The following MAGI3 variants were observed in gnomAD, a reference collection of about 807,000 sequenced individuals.
The protein encoded by MAGI3 is membrane associated guanylate kinase, WW and PDZ domain containing 3.
In MAGI3, 43 loss-of-function variants were observed where a neutral mutation model predicts 121.8. The ratio of observed to expected loss-of-function variants is 0.35; its 90% confidence interval spans 0.28 to 0.46. The LOEUF is 0.46. Among genes scored for constraint, MAGI3 ranks in the 20% least tolerant of loss-of-function variants. The probability of loss-of-function intolerance (pLI) is 1.00; values close to 1 mark genes in which losing one functional copy is unlikely to be tolerated. For missense variants in MAGI3, 1,547 were observed against 1,797.3 expected (o/e 0.86, Z 2.52); for synonymous variants, 553 against 639.3 (o/e 0.86, Z 2.04).
In MAGI3 at chr1:113,658,598, A is replaced by G. The variant is rs1571011541; in HGVS notation, c.2630-482A>G. 6.6e-6 allele frequency among the ~76,000 whole-genome samples: 1 copy of G among 152,222 alleles called. No homozygotes were observed. Among genetic ancestry groups the G allele is most frequent in the African/African-American group, 2.4e-5 (1 of 41,460 alleles). On this transcript the variant is annotated intron_variant, in intron 15 of 20. Coordinates refer to ENST00000307546, the MANE Select transcript of MAGI3 (RefSeq NM_001142782.2). The surrounding 1 kb of genome is among the most constrained non-coding windows in gnomAD (Gnocchi z 4.0). Reference sequence around the variant, plus strand: ...CAATAACTACCGAGTGCTAAACCTGAGTTTGACCTGCATTTATTTACAAGG... The same window carrying G: ...CAATAACTACCGAGTGCTAAACCTGGGTTTGACCTGCATTTATTTACAAGG...
chr1:113,408,083 C>T (rs1218220833), intron 1 of MAGI3, among the ~76,000 whole-genome samples: 1 of 152,066 alleles, frequency 6.6e-6, no homozygotes, highest in Non-Finnish European at 1.5e-5. Context: ...CCTTGCATAC[C>T]TACTATGCAC....
At chr1:113,610,596 C>T (rs1433681788) in intron 6 of MAGI3, among the ~76,000 whole-genome samples, 1 of 152,160 alleles carries the variant, frequency 6.6e-6, no homozygotes, top group Non-Finnish European at 1.5e-5. Flanking sequence ...GACATCCCCC[C>T]AGCTGCTTGA....
intron 1 of MAGI3, among the ~76,000 whole-genome samples, chr1:113,454,425 T>C (rs1654645209): frequency 6.6e-6 from 1 of 152,160 alleles, no homozygotes; most frequent in Non-Finnish European, 1.5e-5. Context: ...TCGGGCAAAT[T>C]ACCTTACCTC....
At chr1:113,468,020 CTGATA>C (rs1655370705) in intron 1 of MAGI3, among the ~76,000 whole-genome samples, 2 of 152,162 alleles carry the variant, frequency 1.3e-5, no homozygotes, top group African/African-American at 2.4e-5. Flanking sequence ...TTTATTGTAT[CTGATA>C]TAAGTATAGC....
At chr1:113,676,435 G>A in intron 19 of MAGI3, among the ~76,000 whole-genome samples, 1 of 152,152 alleles carries the variant, frequency 6.6e-6, no homozygotes, top group Admixed American at 6.5e-5. Flanking sequence ...TTATGAATGA[G>A]CAGAAACTTT....
chr1:113,632,600 A>C (rs1045657126), intron 9 of MAGI3, among the ~76,000 whole-genome samples: 6 of 152,204 alleles, frequency 3.9e-5, no homozygotes, highest in Admixed American at 6.5e-5. Context: ...TACAACCAAA[A>C]TAGTCTTACT....
intron 1 of MAGI3, among the ~76,000 whole-genome samples, chr1:113,436,648 T>G (rs1438737401): frequency 2.0e-5 from 3 of 152,092 alleles, no homozygotes; most frequent in Non-Finnish European, 4.4e-5. Flanking sequence ...AAATGATTCT[T>G]TTTTCTCTTT....
At chr1:113,463,223 G>C (rs1047777831) in intron 1 of MAGI3, among the ~76,000 whole-genome samples, 1 of 151,850 alleles carries the variant, frequency 6.6e-6, no homozygotes, top group East Asian at 1.9e-4. Context: ...CTAAACCTCA[G>C]AAGAGAGGTC....
intron 2 of MAGI3, among the ~76,000 whole-genome samples, chr1:113,557,009 T>C (rs1020862615): frequency 9.2e-5 from 14 of 152,092 alleles, no homozygotes; most frequent in Admixed American, 9.2e-4. Flanking sequence ...ATTAAAGAAA[T>C]TGAATTTTAG....
At chr1:113,629,674 G>T (rs1476650303) in intron 9 of MAGI3, among the ~76,000 whole-genome samples, 1 of 150,182 alleles carries the variant, frequency 6.7e-6, no homozygotes, top group Non-Finnish European at 1.5e-5. Context: ...GGATTAATAG[G>T]CAGAGACTCT....
In MAGI3 at chr1:113,479,328, G is replaced by A. The variant is rs370677997; in HGVS notation, c.317-70187G>A. 2.6e-4 allele frequency among the ~76,000 whole-genome samples: 39 copies of A among 152,242 alleles called. No homozygotes were observed. In the South Asian group the frequency reaches 5.6e-3, roughly 22 times the overall value. ...AATGCAGAAATCACCCGTCTTCTGC[G>A]TTGATCACGTTGGGAGCTGCAGACC... On this transcript the variant is annotated intron_variant, in intron 1 of 20. Coordinates refer to ENST00000307546, the MANE Select transcript of MAGI3 (RefSeq NM_001142782.2).
intron 1 of MAGI3, among the ~76,000 whole-genome samples, chr1:113,513,750 T>G (rs1301850310): frequency 6.6e-6 from 1 of 152,088 alleles, no homozygotes; most frequent in African/African-American, 2.4e-5. Context: ...CCAAAAGCAA[T>G]GAGCAACAAA....
intron 1 of MAGI3, among the ~76,000 whole-genome samples, chr1:113,428,413 A>G (rs868385206): frequency 6.6e-6 from 1 of 152,146 alleles, no homozygotes; most frequent in Non-Finnish European, 1.5e-5. Flanking sequence ...CCACATTTGC[A>G]GTATTGCCTT....
chr1:113,513,939 AC>A (rs1334584412), intron 1 of MAGI3, among the ~76,000 whole-genome samples: 3 of 152,020 alleles, frequency 2.0e-5, no homozygotes, highest in South Asian at 2.1e-4. Flanking sequence ...CAAGAAAAAA[AC>A]AACCCCATCA....
chr1:113,399,884 G>A (rs559213982), intron 1 of MAGI3, among the ~76,000 whole-genome samples: 1 of 152,138 alleles, frequency 6.6e-6, no homozygotes, highest in African/African-American at 2.4e-5. Flanking sequence ...TACTTTCCAA[G>A]GTGTTTTGCT....
At chr1:113,550,797 A>G (rs535742792) in intron 2 of MAGI3, among the ~76,000 whole-genome samples, 5 of 150,722 alleles carry the variant, frequency 3.3e-5, no homozygotes, top group Admixed American at 1.3e-4. Context: ...ATATATATAT[A>G]TTTTTACATG....
intron 1 of MAGI3, among the ~76,000 whole-genome samples, chr1:113,533,517 T>C (rs1396101357): frequency 6.6e-6 from 1 of 152,164 alleles, no homozygotes; most frequent in Non-Finnish European, 1.5e-5. Flanking sequence ...AGATCATTTG[T>C]ATACCATACT....
chr1:113,569,644 A>G (rs1333529433), intron 2 of MAGI3, among the ~76,000 whole-genome samples: 1 of 152,148 alleles, frequency 6.6e-6, no homozygotes, highest in Non-Finnish European at 1.5e-5. Flanking sequence ...TTTGCAATAC[A>G]TATGTCTGAC....
chr1:113,525,186 G>A (rs556563942), intron 1 of MAGI3, among the ~76,000 whole-genome samples: 82 of 152,204 alleles, frequency 5.4e-4, no homozygotes, highest in Non-Finnish European at 9.9e-4. Flanking sequence ...ACATGAAAAC[G>A]GACTAATACA....
Sources: gnomAD v4.1 joint callset for allele counts (sites outside exome capture counted in the v4.1 genomes callset) on GRCh38, gnomAD v4.1.1 for gene constraint, Gnocchi (gnomAD v3.1) non-coding constraint, MANE v1.5 for transcripts, NCBI Gene and HGNC (gene_info 2026-07-23, HGNC 2026-07-21) for gene names.